PCDHGB1: variants seen among roughly 807,000 people sequenced by gnomAD.
PCDHGB1 encodes protocadherin gamma subfamily B, 1.
Under a neutral mutation model 56.6 loss-of-function variants are expected in PCDHGB1, and 34 were observed. That is an observed-to-expected ratio of 0.60 (90% CI 0.46 to 0.80). PCDHGB1 has a LOEUF of 0.80. Among genes scored for constraint, PCDHGB1 ranks in the 30% least tolerant of loss-of-function variants. The pLI, the probability that PCDHGB1 is intolerant of heterozygous loss-of-function variation, is 0.00. For missense variants in PCDHGB1, 1,278 were observed against 1,204.6 expected (o/e 1.06, Z -0.90); for synonymous variants, 561 against 505.9 (o/e 1.11, Z -1.46).
chr5:141,490,061 A>T lies in PCDHGB1; in HGVS notation c.2410-4746A>T. The stretch of plus-strand genomic sequence containing the variant: ...GCCACTGATCCAGACGAGGGCACCA[A>T]CGGCCAACTAGACTATTCTTTTGGA... On this transcript the variant is annotated intron_variant, in intron 1 of 3. Transcript: ENST00000523390. This position sits in a 1 kb window ranked among gnomAD's most constrained non-coding sequence, Gnocchi z 5.4. 1 of 1,614,214 alleles carries T rather than the reference A, an allele frequency of 6.2e-7. No homozygotes were observed. The highest frequency in any genetic ancestry group is 8.5e-7 in the Non-Finnish European group (1 of 1,180,030).
intron 1 of PCDHGB1, chr5:141,384,015 A>G: frequency 6.2e-7 from 1 of 1,613,830 alleles, no homozygotes; most frequent in Non-Finnish European, 8.5e-7. Flanking sequence ...TCTACCTACA[A>G]GACAGAGATT....
intron 1 of PCDHGB1, among the ~76,000 whole-genome samples, chr5:141,387,541 T>C (rs1198504274): frequency 6.6e-6 from 1 of 152,252 alleles, no homozygotes; most frequent in Non-Finnish European, 1.5e-5. Flanking sequence ...CACGTAGTTT[T>C]TGTTCTTTCA....
At chr5:141,377,334 G>C (rs1046555445) in intron 1 of PCDHGB1, 3 of 152,142 alleles carry the variant, frequency 2.0e-5, no homozygotes, top group South Asian at 4.1e-4. Flanking sequence ...TAGCTAGCAT[G>C]GTGGTTCACG....
chr5:141,385,200 C>T (rs776177043), intron 1 of PCDHGB1: 3 of 1,614,214 alleles, frequency 1.9e-6, no homozygotes, highest in Non-Finnish European at 1.7e-6. Context: ...GGAAGAGTCA[C>T]CTGATCTTCC....
chr5:141,464,572 A>G (rs912710973), intron 1 of PCDHGB1, among the ~76,000 whole-genome samples: 5 of 152,148 alleles, frequency 3.3e-5, no homozygotes, highest in African/African-American at 1.2e-4. Flanking sequence ...CTACAAATAG[A>G]TGAGAATGTC....
At chr5:141,504,182 C>A (rs2099836345) in intron 2 of PCDHGB1, among the ~76,000 whole-genome samples, 1 of 152,234 alleles carries the variant, frequency 6.6e-6, no homozygotes, top group Non-Finnish European at 1.5e-5. Context: ...TCAAAAAAAT[C>A]ATGAAAATTG....
In PCDHGB1 at chr5:141,491,634, C is replaced by T; in HGVS notation, c.2410-3173C>T. On this transcript the variant is annotated intron_variant, in intron 1 of 3. Coordinates refer to ENST00000523390, the MANE Select transcript of PCDHGB1 (RefSeq NM_018922.3). This position sits in a 1 kb window ranked among gnomAD's most constrained non-coding sequence, Gnocchi z 6.9. ...TAAGACCCCTCAGCGTTCAGCAGCC[C>T]ACAGCTCTGGCGCTGGAGCCTGACG... 1 of 1,613,892 alleles carries T rather than the reference C, an allele frequency of 6.2e-7. No individual in the cohort carries two copies. Among genetic ancestry groups the T allele is most frequent in the South Asian group, 1.1e-5 (1 of 91,084 alleles).
chr5:141,490,344 AGTGGGGTTGTTTAAT>A lies in PCDHGB1; in HGVS notation c.2410-4459_2410-4445del. The A allele has an allele frequency of 6.2e-7, 1 of 1,614,178 alleles. No individual in the cohort carries two copies. The highest frequency in any genetic ancestry group is 8.5e-7 in the Non-Finnish European group (1 of 1,180,030). ...TAGAGAGCACACCAGTGGGCACAGT[AGTGGGGTTGTTTAAT>A]GTGCGAGACCGGGACTCAGGTAGAA... On this transcript the variant is annotated intron_variant, in intron 1 of 3. Coordinates refer to ENST00000523390, the MANE Select transcript of PCDHGB1 (RefSeq NM_018922.3). This position sits in a 1 kb window ranked among gnomAD's most constrained non-coding sequence, Gnocchi z 5.4.
At position 141,432,119 on chromosome 5, in the gene PCDHGB1, C is replaced by T. The variant is rs1273427353; in HGVS notation, c.2410-62688C>T. On this transcript the variant is annotated intron_variant, in intron 1 of 3. Transcript: ENST00000523390. The surrounding 1 kb of genome is among the most constrained non-coding windows in gnomAD (Gnocchi z 6.0). ...CAACGACAACCCGCCGGTCTTCCCT[C>T]AGGCCTCCTATTCCGCTTATATCCC... is the stretch of plus-strand genomic sequence containing the variant. 7 of 1,614,184 alleles carry T rather than the reference C, an allele frequency of 4.3e-6. No homozygotes were observed. Among genetic ancestry groups the T allele is most frequent in the Non-Finnish European group, 5.9e-6 (7 of 1,180,032 alleles).
At chr5:141,380,956 A>G (rs1776884378) in intron 1 of PCDHGB1, among the ~76,000 whole-genome samples, 1 of 152,252 alleles carries the variant, frequency 6.6e-6, no homozygotes, top group African/African-American at 2.4e-5. Context: ...CAAGAAGTTC[A>G]AAAGTACTAT....
chr5:141,414,785 C>A, intron 1 of PCDHGB1: 1 of 1,614,232 alleles, frequency 6.2e-7, no homozygotes, highest in Non-Finnish European at 8.5e-7. Context: ...ATGCAGGTGA[C>A]AGCCAGCGAC....
At chr5:141,403,513 T>C (rs754840157) in intron 1 of PCDHGB1, 1 of 1,613,714 alleles carries the variant, frequency 6.2e-7, no homozygotes, top group East Asian at 2.2e-5. Flanking sequence ...CTGGAGACAA[T>C]GGAGCCATAA....
chr5:141,464,389 A>G (rs2099082481), intron 1 of PCDHGB1, among the ~76,000 whole-genome samples: 1 of 151,766 alleles, frequency 6.6e-6, no homozygotes, highest in Non-Finnish European at 1.5e-5. Flanking sequence ...AAAAATGCTA[A>G]TGAAGAACCT....
At chr5:141,366,172 A>G (rs559505576) in intron 1 of PCDHGB1, 15 of 1,614,076 alleles carry the variant, frequency 9.3e-6, no homozygotes, top group African/African-American at 8.0e-5. Context: ...CCAGCGAGCC[A>G]GGACTCTTTG....
intron 1 of PCDHGB1, among the ~76,000 whole-genome samples, chr5:141,483,722 C>G (rs1043315057): frequency 6.6e-6 from 1 of 152,080 alleles, no homozygotes; most frequent in Non-Finnish European, 1.5e-5. Context: ...TATTGGTTCC[C>G]ACCATAGTCA....
intron 1 of PCDHGB1, chr5:141,371,218 C>G: frequency 1.2e-6 from 2 of 1,613,994 alleles, no homozygotes; most frequent in Non-Finnish European, 1.7e-6. Flanking sequence ...GGCATCAATG[C>G]CGAAATCATC....
At chr5:141,410,011 G>A in intron 1 of PCDHGB1, 1 of 1,613,302 alleles carries the variant, frequency 6.2e-7, no homozygotes, top group Non-Finnish European at 8.5e-7. Context: ...ACAACGCCTG[G>A]CTGTCCTACC....
At chr5:141,393,243 G>A in intron 1 of PCDHGB1, 4 of 1,613,784 alleles carry the variant, frequency 2.5e-6, no homozygotes, top group Non-Finnish European at 3.4e-6. Flanking sequence ...AAAAATTAAC[G>A]AAATCGCGGT....
intron 1 of PCDHGB1, chr5:141,371,200 T>A (rs2149980452): frequency 6.2e-7 from 1 of 1,614,034 alleles, no homozygotes; most frequent in East Asian, 2.2e-5. Context: ...GCCATTGACA[T>A]GGATGAGGGC....
Sources: gnomAD v4.1 joint callset for allele counts (sites outside exome capture counted in the v4.1 genomes callset) on GRCh38, gnomAD v4.1.1 for gene constraint, Gnocchi (gnomAD v3.1) non-coding constraint, MANE v1.5 for transcripts, NCBI Gene and HGNC (gene_info 2026-07-23, HGNC 2026-07-21) for gene names.